Variants in TNFRSF10D observed in about 807,000 individuals in gnomAD.
TNFRSF10D encodes tumor necrosis factor receptor superfamily member 10D.
Under a neutral mutation model 42.1 loss-of-function variants are expected in TNFRSF10D, and 28 were observed. The observed-to-expected ratio is 0.66, with a 90% CI of 0.49 to 0.91. TNFRSF10D has a LOEUF of 0.91. Among genes scored for constraint, TNFRSF10D ranks in the 40% least tolerant of loss-of-function variants. The probability of loss-of-function intolerance (pLI) is 0.00; values close to 1 mark genes in which losing one functional copy is unlikely to be tolerated. For missense variants in TNFRSF10D, 503 were observed against 486.1 expected, an observed-to-expected ratio of 1.03 and a Z score of -0.33; for synonymous variants, 186 against 189.4, an observed-to-expected ratio of 0.98 and a Z score of 0.15.
chr8:23,144,779 C>T (rs574802875), intron 6 of TNFRSF10D, 144 bp from the exon 7 acceptor site: 5 of 1,078,498 alleles, frequency 4.6e-6, no homozygotes, highest in African/African-American at 1.7e-5. Flanking sequence ...GGACCCCATG[C>T]TGAGGTGGGT....
intron 1 of TNFRSF10D, among the ~76,000 whole-genome samples, chr8:23,156,106 A>C (rs1800277078): frequency 6.6e-6 from 1 of 152,204 alleles, no homozygotes. Flanking sequence ...GATAGTGGTA[A>C]TGTGTTGATG....
At chr8:23,140,232 T>C (rs1161315228) in intron 7 of TNFRSF10D, among the ~76,000 whole-genome samples, 2 of 152,014 alleles carry the variant, frequency 1.3e-5, no homozygotes, top group African/African-American at 2.4e-5. Flanking sequence ...GAGCTTGCAG[T>C]GAGCTGAGAT....
At chr8:23,159,804 A>C (rs1375235303) in intron 1 of TNFRSF10D, among the ~76,000 whole-genome samples, 3 of 152,162 alleles carry the variant, frequency 2.0e-5, no homozygotes, top group Non-Finnish European at 4.4e-5. Context: ...CGGAGGTTGC[A>C]GTGAGCCGAG....
intron 7 of TNFRSF10D, among the ~76,000 whole-genome samples, chr8:23,140,865 C>A (rs530033410): frequency 1.3e-5 from 2 of 152,244 alleles, no homozygotes; most frequent in East Asian, 3.9e-4. Context: ...ACCTCTTTTT[C>A]TTTATAAATT....
chr8:23,155,123 TC>T, intron 1 of TNFRSF10D, 144 bp from the exon 2 acceptor site: 1 of 632,782 alleles, frequency 1.6e-6, no homozygotes, highest in Non-Finnish European at 2.7e-6. Flanking sequence ...TTCTTTTGCA[TC>T]CGTGTTTGTC....
At position 23,148,433 on chromosome 8, in the gene TNFRSF10D, T is replaced by C. The variant is rs757815708; in HGVS notation, c.370+5A>G. 4.4e-6 allele frequency: 7 copies of C among 1,604,496 alleles called. No homozygotes were observed. The Admixed American group carries it at 1.2e-4, about 27-fold the overall frequency. On this transcript the variant is annotated splice_donor_5th_base_variant and intron_variant, in intron 3 of 8. Transcript: ENST00000312584. ...CTCTGGGCAAGGGGTCCACACATTCTGTACCTGATTTACAAACTGTACATA... is the reference window on the plus strand; with the variant it reads ...CTCTGGGCAAGGGGTCCACACATTCCGTACCTGATTTACAAACTGTACATA...
Position 23,135,892 on chromosome 8 carries a change from C to T in TNFRSF10D, c.*1978G>A, listed in dbSNP as rs865912755. The T allele has an allele frequency of 2.2e-6, 1 of 452,192 alleles. No individual in the cohort carries two copies. Among genetic ancestry groups the T allele is most frequent in the South Asian group, 1.6e-5 (1 of 64,236 alleles). The allele number at this position is 452,192 out of a possible 1,614,324, so 28.0% of individuals were successfully genotyped here. On this transcript the variant is annotated 3_prime_UTR_variant, in exon 9 of 9. Transcript: ENST00000312584. ...CAAGTCTCCTGCACAGAAGGCCCAG[C>T]AAAGGCAAAGACTAGGAGGCAGCAG...
At chr8:23,156,558 T>TC (rs1357226538) in intron 1 of TNFRSF10D, among the ~76,000 whole-genome samples, 1 of 142,736 alleles carries the variant, frequency 7.0e-6, no homozygotes, top group African/African-American at 2.6e-5. Flanking sequence ...TTTTCTCAAC[T>TC]CTTTTTTTTT....
chr8:23,144,941 T>A (rs1800093251), intron 6 of TNFRSF10D, 117 bp downstream of exon 6: 1 of 1,467,142 alleles, frequency 6.8e-7, no homozygotes. Flanking sequence ...CCCCAGGCCA[T>A]GTCAGAGAGT....
chr8:23,149,838 C>T (rs115386037), intron 2 of TNFRSF10D, among the ~76,000 whole-genome samples: 854 of 152,014 alleles, frequency 5.6e-3, no homozygotes, highest in African/African-American at 0.018. Context: ...TCACTCATCA[C>T]TTAATTTCTT....
Position 23,136,225 on chromosome 8 carries a change from G to A in TNFRSF10D, c.*1645C>T, listed in dbSNP as rs146518152. 294 of 239,878 alleles carry A rather than the reference G, an allele frequency of 1.2e-3. 1 individual carries two copies. The highest frequency in any genetic ancestry group is 6.4e-3 in the African/African-American group (278 of 43,682). The allele number at this position is 239,878 out of a possible 1,614,324, so 14.9% of individuals were successfully genotyped here. A position where few individuals can be genotyped will look rare whatever the true frequency, so the allele number is the denominator to read the frequency against. On this transcript the variant is annotated 3_prime_UTR_variant, in exon 9 of 9. Coordinates refer to ENST00000312584, the MANE Select transcript of TNFRSF10D (RefSeq NM_003840.5). Reference sequence around the variant, plus strand: ...GAAAGAAGCTAAAACGATTACTGAGGTTTTTAAATAAAATAATGGAACGTG... The same window carrying A: ...GAAAGAAGCTAAAACGATTACTGAGATTTTTAAATAAAATAATGGAACGTG...
chr8:23,137,518 T>C lies in TNFRSF10D; in HGVS notation c.*352A>G, dbSNP rs1814353900. The C allele has an allele frequency of 5.6e-6, 1 of 177,868 alleles. No individual in the cohort carries two copies. Among genetic ancestry groups the C allele is most frequent in the South Asian group, 1.5e-4 (1 of 6,832 alleles). The allele number at this position is 177,868 out of a possible 1,614,324, so 11.0% of individuals were successfully genotyped here. ...TGGAGTTTCACTGTGTTGATGAGGC[T>C]GGTCTCAAACTCCCGAGCTCAAGCA... On this transcript the variant is annotated 3_prime_UTR_variant, in exon 9 of 9. Coordinates refer to ENST00000312584, the MANE Select transcript of TNFRSF10D (RefSeq NM_003840.5).
intron 5 of TNFRSF10D, among the ~76,000 whole-genome samples, 194 bp from the exon 6 acceptor site, chr8:23,145,283 A>T (rs567159638): frequency 6.6e-6 from 1 of 152,236 alleles, no homozygotes; most frequent in South Asian, 2.1e-4. Context: ...TAGAGTAAAA[A>T]CCAACACGTG....
intron 2 of TNFRSF10D, among the ~76,000 whole-genome samples, chr8:23,153,091 G>A (rs1380321642): frequency 2.0e-5 from 3 of 152,150 alleles, no homozygotes; most frequent in African/African-American, 7.2e-5. Context: ...TCAACTGATT[G>A]TGACAGATAC....
chr8:23,156,305 A>C (rs1366621892), intron 1 of TNFRSF10D, among the ~76,000 whole-genome samples: 576 of 151,636 alleles, frequency 3.8e-3, no homozygotes, highest in African/African-American at 0.012. Context: ...TGCTCCTGAG[A>C]AAAAACAAAA....
rs774106075 is a variant in TNFRSF10D, at chr8:23,148,409, T to A, written c.370+29A>T. 3 of 1,575,648 alleles carry A rather than the reference T, an allele frequency of 1.9e-6. No homozygotes were observed. In the South Asian group the frequency reaches 3.3e-5, roughly 17 times the overall value. Reference sequence around the variant, plus strand: ...CCACCTCATCACTATGCACTCCACCTCTGGGCAAGGGGTCCACACATTCTG... The same window carrying A: ...CCACCTCATCACTATGCACTCCACCACTGGGCAAGGGGTCCACACATTCTG... On this transcript the variant is annotated intron_variant, in intron 3 of 8. Coordinates refer to ENST00000312584, the MANE Select transcript of TNFRSF10D (RefSeq NM_003840.5).
chr8:23,149,189 C>CAAAAAAAAAAAA (rs370400558), intron 2 of TNFRSF10D, among the ~76,000 whole-genome samples: 1 of 85,668 alleles, frequency 1.2e-5, no homozygotes, highest in African/African-American at 4.9e-5. Flanking sequence ...GACTCTGTCT[C>CAAAAAAAAAAAA]AAAAAAAAAA....
chr8:23,146,147 A>T (rs113466466), intron 4 of TNFRSF10D, among the ~76,000 whole-genome samples: 5,042 of 152,108 alleles, frequency 0.033, 208 homozygotes, highest in African/African-American at 0.11. Flanking sequence ...AGAGCTGTAG[A>T]TCCAGGAGCC....
chr8:23,148,615 T>A, intron 2 of TNFRSF10D, 64 bp from the exon 3 acceptor site: 1 of 1,297,096 alleles, frequency 7.7e-7, no homozygotes, highest in Non-Finnish European at 1.1e-6. Flanking sequence ...TGACAATGGC[T>A]GGCAAATTTC....
Sources: gnomAD v4.1 joint callset for allele counts (sites outside exome capture counted in the v4.1 genomes callset) on GRCh38, gnomAD v4.1.1 for gene constraint, MANE v1.5 for transcripts, NCBI Gene and HGNC (gene_info 2026-07-23, HGNC 2026-07-21) for gene names.